The following TENM2 variants were observed in gnomAD, a reference collection of about 807,000 sequenced individuals.
TENM2 encodes the protein teneurin transmembrane protein 2.
A neutral mutation model predicts 245.2 loss-of-function variants in TENM2; 52 were observed. The ratio of observed to expected loss-of-function variants is 0.21; its 90% confidence interval spans 0.17 to 0.27. TENM2 has a LOEUF of 0.27. Among genes scored for constraint, TENM2 ranks in the 10% least tolerant of loss-of-function variants. The pLI is 1.00. For missense variants in TENM2, 3,046 were observed against 3,666.8 expected, an observed-to-expected ratio of 0.83 and a Z score of 4.37; for synonymous variants, 1,363 against 1,438.9, an observed-to-expected ratio of 0.95 and a Z score of 1.19.
intron 2 of TENM2, among the ~76,000 whole-genome samples, chr5:167,424,823 A>G (rs1763716988): frequency 6.6e-6 from 1 of 152,188 alleles, no homozygotes; most frequent in Non-Finnish European, 1.5e-5. Context: ...ATCATTGAAA[A>G]TATTATTCTT....
At chr5:167,577,091 A>T (rs1050895758) in intron 2 of TENM2, among the ~76,000 whole-genome samples, 3 of 152,206 alleles carry the variant, frequency 2.0e-5, no homozygotes, top group Non-Finnish European at 2.9e-5. Flanking sequence ...CACTGTGATA[A>T]AATGACAAAG....
At chr5:167,534,852 T>G (rs1771746243) in intron 2 of TENM2, among the ~76,000 whole-genome samples, 1 of 152,164 alleles carries the variant, frequency 6.6e-6, no homozygotes, top group South Asian at 2.1e-4. Context: ...TCATTCCTGA[T>G]GTCACCTACA....
the TENM2 span, among the ~76,000 whole-genome samples, chr5:167,133,547 T>G: frequency 7.4e-5 from 11 of 149,500 alleles, no homozygotes; most frequent in Admixed American, 1.3e-4. Context: ...TGACAGGTAT[T>G]AATTATAGAG....
chr5:167,563,976 C>A (rs572941298), intron 2 of TENM2, among the ~76,000 whole-genome samples: 33 of 152,270 alleles, frequency 2.2e-4, no homozygotes, highest in African/African-American at 6.5e-4. Context: ...CAGAATGTAT[C>A]CCCATGGCTA....
In TENM2 at chr5:167,435,191, G is replaced by A. The variant is rs138870451; in HGVS notation, c.502+59718G>A. On this transcript the variant is annotated intron_variant, in intron 2 of 28. Coordinates refer to ENST00000518659, the Ensembl canonical transcript of TENM2. ...AATAATGTAATCAGAGAGATCTGGA[G>A]AATACTGTGTAGTCAATGCCTTAGA... Among the ~76,000 whole-genome samples the A allele has an allele frequency of 7.1e-3, 1,075 of 152,300 alleles. 3 individuals carry two copies. The highest frequency in any genetic ancestry group is 0.017 in the Admixed American group (261 of 15,298).
chr5:167,907,563 ATATATAT>A (rs1776206828), intron 3 of TENM2, among the ~76,000 whole-genome samples: 1 of 116,146 alleles, frequency 8.6e-6, no homozygotes, highest in Non-Finnish European at 1.7e-5. Flanking sequence ...ATATATATAT[ATATATAT>A]ATGTATGTAT....
chr5:167,437,336 G>C (rs57453878), intron 2 of TENM2, among the ~76,000 whole-genome samples: 6,435 of 152,240 alleles, frequency 0.042, 266 homozygotes, highest in African/African-American at 0.11. Context: ...GTAGCCCCTT[G>C]GTTTTGGCCA....
At chr5:167,022,187 A>G in the TENM2 span, among the ~76,000 whole-genome samples, 1 of 152,244 alleles carries the variant, frequency 6.6e-6, no homozygotes, top group African/African-American at 2.4e-5. Context: ...TTGTTAAAAC[A>G]AGACTCCAAA....
chr5:167,167,422 A>T, the TENM2 span, among the ~76,000 whole-genome samples: 3 of 152,060 alleles, frequency 2.0e-5, no homozygotes, highest in Non-Finnish European at 1.5e-5. Context: ...TCCCCTCTTG[A>T]TCCCTCCCCT....
At chr5:167,817,633 C>T (rs1767164754) in intron 2 of TENM2, among the ~76,000 whole-genome samples, 1 of 152,014 alleles carries the variant, frequency 6.6e-6, no homozygotes, top group South Asian at 2.1e-4. Flanking sequence ...AAATTTAAAG[C>T]AATCACTATC....
the TENM2 span, among the ~76,000 whole-genome samples, chr5:167,197,014 C>A: frequency 6.6e-6 from 1 of 151,868 alleles, no homozygotes; most frequent in Non-Finnish European, 1.5e-5. Context: ...GGAAGTCAAT[C>A]GATTCTGGGA....
chr5:167,302,157 A>G (rs1755369536), intron 1 of TENM2, among the ~76,000 whole-genome samples: 1 of 152,138 alleles, frequency 6.6e-6, no homozygotes, highest in Admixed American at 6.5e-5. Context: ...CCGTTTGCCT[A>G]TTTTGTGACA....
chr5:167,228,989 C>T, the TENM2 span, among the ~76,000 whole-genome samples: 23 of 152,170 alleles, frequency 1.5e-4, 1 homozygote, highest in Admixed American at 9.2e-4. Flanking sequence ...CGTGAGCCAC[C>T]GCGTCCGGCC....
intron 1 of TENM2, among the ~76,000 whole-genome samples, chr5:167,305,685 C>T (rs1377182681): frequency 6.6e-6 from 1 of 152,176 alleles, no homozygotes; most frequent in Non-Finnish European, 1.5e-5. Context: ...ATTCAGCATT[C>T]TATGGCAGGG....
intron 6 of TENM2, among the ~76,000 whole-genome samples, chr5:168,060,436 A>G (rs1353189974): frequency 6.6e-6 from 1 of 151,968 alleles, no homozygotes; most frequent in African/African-American, 2.4e-5. Context: ...AAAACAAAAC[A>G]AAAGTTCAGA....
chr5:167,051,177 A>G, the TENM2 span, among the ~76,000 whole-genome samples: 2 of 152,010 alleles, frequency 1.3e-5, no homozygotes, highest in Admixed American at 6.6e-5. Context: ...CTAAATTGGG[A>G]CTGTTTTTCT....
intron 2 of TENM2, among the ~76,000 whole-genome samples, chr5:167,736,227 T>G (rs1244647054): frequency 6.6e-6 from 1 of 152,070 alleles, no homozygotes; most frequent in Non-Finnish European, 1.5e-5. Flanking sequence ...TCATGAGAAC[T>G]CACTCACTAT....
At chr5:167,834,736 G>A (rs945020585) in intron 2 of TENM2, among the ~76,000 whole-genome samples, 59 of 146,110 alleles carry the variant, frequency 4.0e-4, no homozygotes, top group Admixed American at 2.8e-3. Context: ...TGCAAGCTCC[G>A]CCTCCCAGGT....
At chr5:167,793,337 GT>G (rs780157177) in intron 2 of TENM2, among the ~76,000 whole-genome samples, 15 of 151,992 alleles carry the variant, frequency 9.9e-5, no homozygotes, top group Non-Finnish European at 2.1e-4. Flanking sequence ...GAAGAAGAGA[GT>G]TTTTGAGGTT....
Sources: gnomAD v4.1 joint callset for allele counts (sites outside exome capture counted in the v4.1 genomes callset) on GRCh38, gnomAD v4.1.1 for gene constraint, MANE v1.5 for transcripts, NCBI Gene and HGNC (gene_info 2026-07-23, HGNC 2026-07-21) for gene names.